Variants in PIWIL4 observed in about 807,000 individuals in gnomAD.
PIWIL4 encodes piwi-like protein 4.
In PIWIL4, 50 loss-of-function variants were observed where a neutral mutation model predicts 100.9. The ratio of observed to expected loss-of-function variants is 0.50; its 90% CI spans 0.39 to 0.63. The LOEUF (loss-of-function observed/expected upper bound fraction) is 0.63, where lower values mean the gene tolerates loss of function less well. PIWIL4 is among the 20% of genes least tolerant of loss of function. PIWIL4 has a pLI of 0.00. For synonymous variants in PIWIL4, 342 were observed against 367.5 expected, an observed-to-expected ratio of 0.93 and a Z score of 0.79; for missense variants, 887 against 1,043.3, an observed-to-expected ratio of 0.85 and a Z score of 2.06.
chr11:94,591,276 C>T (rs1266296975), intron 8 of PIWIL4, among the ~76,000 whole-genome samples: 1 of 152,190 alleles, frequency 6.6e-6, no homozygotes, highest in Non-Finnish European at 1.5e-5. Flanking sequence ...TGTGTGTGTT[C>T]ACTAGGCATC....
At chr11:94,582,683 T>TA (rs2135252107) in intron 4 of PIWIL4, among the ~76,000 whole-genome samples, 1 of 152,342 alleles carries the variant, frequency 6.6e-6, no homozygotes, top group South Asian at 2.1e-4. Context: ...TGGGAGCTGT[T>TA]ATAGAATCAT....
At chr11:94,584,271 G>A (rs1419428643) in intron 5 of PIWIL4, among the ~76,000 whole-genome samples, 2 of 152,248 alleles carry the variant, frequency 1.3e-5, no homozygotes, top group African/African-American at 4.8e-5. Flanking sequence ...TGATCTGTTA[G>A]AAACCTTACA....
chr11:94,615,075 G>T (rs1363436584), intron 15 of PIWIL4, among the ~76,000 whole-genome samples: 1 of 152,144 alleles, frequency 6.6e-6, no homozygotes, highest in East Asian at 1.9e-4. Context: ...GTGCTCCATA[G>T]GCAAGGTATC....
At chr11:94,585,013 T>C (rs1476041683) in intron 5 of PIWIL4, among the ~76,000 whole-genome samples, 1 of 152,134 alleles carries the variant, frequency 6.6e-6, no homozygotes, top group Non-Finnish European at 1.5e-5. Context: ...TGCAGTGAGC[T>C]GAGATCACGC....
intron 1 of PIWIL4, among the ~76,000 whole-genome samples, 176 bp from the exon 2 acceptor site, chr11:94,568,554 C>T (rs1948106718): frequency 6.6e-6 from 1 of 152,160 alleles, no homozygotes. Context: ...TATAGCGTGT[C>T]CTTATCCTCT....
At chr11:94,591,064 G>C (rs1485632609) in intron 8 of PIWIL4, among the ~76,000 whole-genome samples, 1 of 152,202 alleles carries the variant, frequency 6.6e-6, no homozygotes, top group Non-Finnish European at 1.5e-5. Flanking sequence ...TATGCACACA[G>C]AGCACTGAAG....
chr11:94,605,471 T>A (rs1386895111), intron 13 of PIWIL4, among the ~76,000 whole-genome samples: 1 of 152,230 alleles, frequency 6.6e-6, no homozygotes, highest in Non-Finnish European at 1.5e-5. Context: ...CAGGTGTCAC[T>A]CCACTGTATG....
intron 4 of PIWIL4, among the ~76,000 whole-genome samples, chr11:94,582,904 A>G (rs764326050): frequency 6.6e-6 from 1 of 151,970 alleles, no homozygotes; most frequent in African/African-American, 2.4e-5. Context: ...TACATTATAA[A>G]CAGACTTTGG....
chr11:94,608,597 G>A lies in PIWIL4; in HGVS notation c.1854G>A (p.Met618Ile). 1 of 1,613,828 alleles carries A rather than the reference G, an allele frequency of 6.2e-7. No individual in the cohort carries two copies. Among genetic ancestry groups the A allele is most frequent in the Non-Finnish European group, 8.5e-7 (1 of 1,179,792 alleles). Residue 618 changes from methionine to isoleucine, a missense_variant, in exon 15 of 20, where the codon ATG (methionine) becomes ATA (isoleucine). By Grantham distance (10) the Met-to-Ile change is conservative. Transcript: ENST00000299001. ...WAVEIPLKSL[M>I]VVGIDVCKDA... is the part of the protein sequence containing the mutation. ...TAATTTTATAGTTAAAGTCCCTGAT[G>A]GTGGTCGGTATTGATGTCTGTAAAG... is the stretch of plus-strand genomic sequence containing the variant.
At chr11:94,589,325 C>A in intron 8 of PIWIL4, 93 bp downstream of exon 8, 1 of 1,048,094 alleles carries the variant, frequency 9.5e-7, no homozygotes, top group Non-Finnish European at 1.4e-6. Flanking sequence ...AGATTGGAGG[C>A]TGAGTCTGCC....
intron 4 of PIWIL4, 28 bp from the exon 5 acceptor site, chr11:94,583,420 G>A: frequency 6.2e-7 from 1 of 1,611,086 alleles, no homozygotes; most frequent in Non-Finnish European, 8.5e-7. Flanking sequence ...AATTTGTAGG[G>A]TGCATATTAA....
At chr11:94,616,286 G>C (rs1276122791) in intron 15 of PIWIL4, among the ~76,000 whole-genome samples, 1 of 152,134 alleles carries the variant, frequency 6.6e-6, no homozygotes, top group Non-Finnish European at 1.5e-5. Flanking sequence ...CGATATGGCT[G>C]ATGCCAACAC....
At chr11:94,599,455 AG>A (rs1308201326) in intron 11 of PIWIL4, among the ~76,000 whole-genome samples, 1 of 152,210 alleles carries the variant, frequency 6.6e-6, no homozygotes, top group Non-Finnish European at 1.5e-5. Context: ...CATAGGACTC[AG>A]GGTACATTGT....
chr11:94,587,399 T>G (rs1948415911), intron 7 of PIWIL4, 152 bp downstream of exon 7: 1 of 845,622 alleles, frequency 1.2e-6, no homozygotes, highest in Non-Finnish European at 1.8e-6. Context: ...CTGTCTGGAG[T>G]TCACATGTCC....
chr11:94,604,596 G>A (rs1337438730), intron 13 of PIWIL4, among the ~76,000 whole-genome samples: 1 of 152,186 alleles, frequency 6.6e-6, no homozygotes, highest in Non-Finnish European at 1.5e-5. Context: ...TTGGGGCCAA[G>A]GCATGATTAC....
chr11:94,604,140 G>A, intron 13 of PIWIL4, 84 bp downstream of exon 13: 1 of 758,404 alleles, frequency 1.3e-6, no homozygotes, highest in Non-Finnish European at 2.0e-6. Context: ...ACCCTCCCAT[G>A]ATATATTTGC....
chr11:94,593,846 G>A (rs1416959094), intron 9 of PIWIL4, among the ~76,000 whole-genome samples: 1 of 152,102 alleles, frequency 6.6e-6, no homozygotes, highest in African/African-American at 2.4e-5. Context: ...GTATTACTTT[G>A]ATGTAAAATA....
chr11:94,584,999 A>G (rs1948378994), intron 5 of PIWIL4, among the ~76,000 whole-genome samples: 1 of 152,192 alleles, frequency 6.6e-6, no homozygotes, highest in Non-Finnish European at 1.5e-5. Context: ...CGGGAGGCGG[A>G]GGTTGCAGTG....
intron 11 of PIWIL4, among the ~76,000 whole-genome samples, chr11:94,601,587 G>C (rs533831758): frequency 6.6e-6 from 1 of 152,312 alleles, no homozygotes; most frequent in East Asian, 1.9e-4. Flanking sequence ...CCAGTGCCTG[G>C]AAGACCTGGG....
Sources: gnomAD v4.1 joint callset for allele counts (sites outside exome capture counted in the v4.1 genomes callset) on GRCh38, gnomAD v4.1.1 for gene constraint, MANE v1.5 for transcripts, NCBI Gene and HGNC (gene_info 2026-07-23, HGNC 2026-07-21) for gene names.